Variants in BABAM2 observed in about 807,000 individuals in gnomAD.
BABAM2 encodes the protein BRISC and BRCA1-A complex member 2.
Under a neutral mutation model 54.7 loss-of-function variants are expected in BABAM2, and 31 were observed. The observed-to-expected ratio is 0.57, with a 90% CI of 0.43 to 0.77. The LOEUF (loss-of-function observed/expected upper bound fraction) is 0.77, where lower values mean the gene tolerates loss of function less well. BABAM2 is among the 30% of genes least tolerant of loss of function. BABAM2 has a pLI of 0.00. For missense variants in BABAM2, 364 were observed against 455.8 expected (o/e 0.80, Z 1.83); for synonymous variants, 167 against 162.9 (o/e 1.03, Z -0.19).
chr2:28,210,022 G>A (rs1679275435), intron 7 of BABAM2, among the ~76,000 whole-genome samples: 1 of 152,156 alleles, frequency 6.6e-6, no homozygotes, highest in South Asian at 2.1e-4. Context: ...CCCATTGTGT[G>A]TAAAAGAGGA....
chr2:28,335,116 AC>A (rs1361710820), intron 11 of BABAM2, among the ~76,000 whole-genome samples: 2 of 139,140 alleles, frequency 1.4e-5, no homozygotes, highest in African/African-American at 5.6e-5. Context: ...TAAATATTGT[AC>A]CTGTTCTCTT....
chr2:28,101,400 G>A (rs1326875675), intron 6 of BABAM2, among the ~76,000 whole-genome samples: 1 of 152,168 alleles, frequency 6.6e-6, no homozygotes, highest in Admixed American at 6.5e-5. Context: ...ACAAGAATGG[G>A]CAGGTATATG....
At chr2:27,915,334 C>G (rs147487772) in intron 2 of BABAM2, among the ~76,000 whole-genome samples, 354 of 152,278 alleles carry the variant, frequency 2.3e-3, no homozygotes, top group African/African-American at 8.0e-3. Flanking sequence ...ACAGCAAGTG[C>G]TCTCTGTGTG....
intron 8 of BABAM2, among the ~76,000 whole-genome samples, chr2:28,240,682 C>G (rs1682329061): frequency 6.6e-6 from 1 of 151,914 alleles, no homozygotes; most frequent in Non-Finnish European, 1.5e-5. Flanking sequence ...CCAGCCTGCC[C>G]AACATGGTGA....
chr2:28,140,663 TA>T (rs1670963939), intron 7 of BABAM2, among the ~76,000 whole-genome samples: 1 of 152,166 alleles, frequency 6.6e-6, no homozygotes, highest in African/African-American at 2.4e-5. Flanking sequence ...CACAACAGTA[TA>T]AGTATATATT....
intron 11 of BABAM2, among the ~76,000 whole-genome samples, chr2:28,333,734 G>T (rs1691167170): frequency 6.6e-6 from 1 of 152,244 alleles, no homozygotes; most frequent in African/African-American, 2.4e-5. Flanking sequence ...TCAGTGAGGA[G>T]CTTGACACTC....
At chr2:28,321,491 C>G (rs774184151) in intron 11 of BABAM2, among the ~76,000 whole-genome samples, 3 of 152,142 alleles carry the variant, frequency 2.0e-5, no homozygotes, top group Admixed American at 6.5e-5. Context: ...ACCCCTGATT[C>G]TAGGCCAGAA....
At chr2:27,956,525 C>T (rs190431949) in intron 3 of BABAM2, among the ~76,000 whole-genome samples, 64 of 152,162 alleles carry the variant, frequency 4.2e-4, no homozygotes, top group Admixed American at 9.2e-4. Context: ...TGCCGATGAC[C>T]CACACAGTAG....
At chr2:28,192,394 A>G (rs969187267) in intron 7 of BABAM2, among the ~76,000 whole-genome samples, 1 of 152,006 alleles carries the variant, frequency 6.6e-6, no homozygotes, top group Non-Finnish European at 1.5e-5. Flanking sequence ...ATTTATACAT[A>G]CGTAAAAAAC....
At chr2:28,156,464 C>T (rs1286197786) in intron 7 of BABAM2, among the ~76,000 whole-genome samples, 1 of 152,086 alleles carries the variant, frequency 6.6e-6, no homozygotes, top group African/African-American at 2.4e-5. Context: ...GTATTAGTCA[C>T]AGAATAAGCA....
intron 3 of BABAM2, among the ~76,000 whole-genome samples, chr2:27,975,738 A>C (rs998814419): frequency 7.8e-5 from 3 of 38,652 alleles, no homozygotes; most frequent in African/African-American, 3.1e-4. Flanking sequence ...TGCTCTGCTG[A>C]AGAGACTGTT....
chr2:27,915,846 C>T (rs1222898023), intron 2 of BABAM2, among the ~76,000 whole-genome samples: 1 of 152,142 alleles, frequency 6.6e-6, no homozygotes, highest in Non-Finnish European at 1.5e-5. Flanking sequence ...AATTCTCTCT[C>T]TCTACTTTTT....
At chr2:28,226,538 T>C (rs536694093) in intron 7 of BABAM2, among the ~76,000 whole-genome samples, 12 of 152,068 alleles carry the variant, frequency 7.9e-5, no homozygotes, top group African/African-American at 2.9e-4. Flanking sequence ...TGAGGAGTCA[T>C]GGGGGGAGAT....
Position 28,026,917 on chromosome 2 carries a change from A to AATATATAAAT in BABAM2, c.495+1504_495+1505insAATATATATA, listed in dbSNP as rs1675841596. On this transcript the variant is annotated intron_variant, in intron 5 of 11. Transcript: ENST00000379624. ...ATATAAATATATATAAATATATATT[A>AATATATAAAT]ATATATATAAATATATATATAAATA... is the stretch of plus-strand genomic sequence containing the variant. 2.7e-4 allele frequency among the ~76,000 whole-genome samples: 8 copies of AATATATAAAT among 29,474 alleles called. 1 individual carries two copies. Among genetic ancestry groups the AATATATAAAT allele is most frequent in the African/African-American group, 8.8e-4 (8 of 9,042 alleles). The allele number at this position is 29,474 out of a possible 152,430, so 19.3% of individuals were successfully genotyped here.
intron 10 of BABAM2, among the ~76,000 whole-genome samples, chr2:28,279,748 C>G (rs1049858893): frequency 7.3e-5 from 11 of 151,288 alleles, no homozygotes; most frequent in African/African-American, 2.7e-4. Flanking sequence ...TCACCGCTAC[C>G]TCTGCCTCCT....
chr2:28,016,601 T>A (rs1048410265), intron 4 of BABAM2: 10 of 509,676 alleles, frequency 2.0e-5, no homozygotes, highest in Non-Finnish European at 3.6e-6. Context: ...CAGAATCCAC[T>A]GTGTTTTAGA....
intron 3 of BABAM2, among the ~76,000 whole-genome samples, chr2:27,968,755 G>T (rs1280233732): frequency 6.6e-6 from 1 of 152,242 alleles, no homozygotes; most frequent in Non-Finnish European, 1.5e-5. Flanking sequence ...TGACCTGGGT[G>T]TATTTACCCA....
At chr2:28,168,355 T>A (rs910726155) in intron 7 of BABAM2, among the ~76,000 whole-genome samples, 1 of 152,248 alleles carries the variant, frequency 6.6e-6, no homozygotes, top group Non-Finnish European at 1.5e-5. Context: ...TCTCCTAGGC[T>A]CACTCACGTA....
intron 10 of BABAM2, among the ~76,000 whole-genome samples, chr2:28,287,331 G>A (rs1031107255): frequency 4.6e-5 from 7 of 152,052 alleles, no homozygotes; most frequent in African/African-American, 1.7e-4. Flanking sequence ...TTTATTTATT[G>A]TGACTCAATT....
Sources: gnomAD v4.1 joint callset for allele counts (sites outside exome capture counted in the v4.1 genomes callset) on GRCh38, gnomAD v4.1.1 for gene constraint, MANE v1.5 for transcripts, NCBI Gene and HGNC (gene_info 2026-07-23, HGNC 2026-07-21) for gene names.